KMT2C: variants seen among roughly 807,000 people sequenced by gnomAD.
KMT2C encodes lysine methyltransferase 2C, also known as histone-lysine N-methyltransferase 2C.
A neutral mutation model predicts 507.9 loss-of-function variants in KMT2C; 88 were observed. The ratio of observed to expected loss-of-function variants is 0.17; its 90% CI spans 0.15 to 0.21. The LOEUF (loss-of-function observed/expected upper bound fraction) is 0.21. Ranked by LOEUF, KMT2C falls within the 10% of genes least tolerant of loss-of-function variation. The probability of loss-of-function intolerance (pLI) is 1.00; values close to 1 mark genes in which losing one functional copy is unlikely to be tolerated. For synonymous variants in KMT2C, 2,049 were observed against 2,080.8 expected (o/e 0.98, Z 0.42); for missense variants, 4,954 against 5,957.8 (o/e 0.83, Z 5.55).
At chr7:152,428,283 C>G (rs2097839618) in intron 1 of KMT2C, among the ~76,000 whole-genome samples, 1 of 151,912 alleles carries the variant, frequency 6.6e-6, no homozygotes, top group African/African-American at 2.4e-5. Flanking sequence ...GTTTTAGATT[C>G]TAATTAATGA....
intron 38 of KMT2C, among the ~76,000 whole-genome samples, chr7:152,175,283 C>T (rs920154271): frequency 6.6e-6 from 1 of 151,922 alleles, no homozygotes; most frequent in African/African-American, 2.4e-5. Context: ...ATAACTGGGA[C>T]TACAGGCGCA....
At chr7:152,160,880 T>C (rs1220592010) in intron 43 of KMT2C, among the ~76,000 whole-genome samples, 4 of 151,972 alleles carry the variant, frequency 2.6e-5, no homozygotes, top group Non-Finnish European at 2.9e-5. Flanking sequence ...AATCGCTATG[T>C]GAGAACACGA....
chr7:152,321,618 A>G (rs2096773842), intron 3 of KMT2C, among the ~76,000 whole-genome samples: 1 of 152,036 alleles, frequency 6.6e-6, no homozygotes, highest in Admixed American at 6.5e-5. Flanking sequence ...GCATTTCTAT[A>G]TACTAACAGC....
chr7:152,191,808 C>T (rs531432779), intron 31 of KMT2C, among the ~76,000 whole-genome samples: 46 of 152,360 alleles, frequency 3.0e-4, no homozygotes, highest in Middle Eastern at 3.4e-3. Flanking sequence ...TCTTGAATAA[C>T]TATGTGTCGC....
Position 152,154,157 on chromosome 7 carries a change from A to G in KMT2C, c.12140-11T>C. ...TTCTTGATTCTGAACCTTTAAAAAG[A>G]GAGAAAAAAAAGAGGAAAATAGTGT... is the stretch of plus-strand genomic sequence containing the variant. On this transcript the variant is annotated splice_polypyrimidine_tract_variant and intron_variant, in intron 47 of 58. Transcript: ENST00000262189. 6.2e-7 allele frequency: 1 copy of G among 1,612,290 alleles called. No homozygotes were observed. The highest frequency in any genetic ancestry group is 8.5e-7 in the Non-Finnish European group (1 of 1,179,534).
chr7:152,348,126 T>C (rs559069775), intron 2 of KMT2C, among the ~76,000 whole-genome samples: 3 of 152,318 alleles, frequency 2.0e-5, no homozygotes, highest in Admixed American at 6.5e-5. Flanking sequence ...AGACACAATA[T>C]GCTCAAGCTT....
In KMT2C at chr7:152,148,545, T is replaced by C; in HGVS notation, c.13382A>G (p.Lys4461Arg). 6.2e-7 allele frequency: 1 copy of C among 1,614,212 alleles called. No individual in the cohort carries two copies. The highest frequency in any genetic ancestry group is 1.3e-5 in the African/African-American group (1 of 75,046). ...ELALRRGLQMKCVFCHKTGAT... is the reference protein window; with the variant it reads ...ELALRRGLQMRCVFCHKTGAT... ...ACCCGTCTTGTGACAGAAGACACAT[T>C]TCATTTGTAGGCCTCTCCTCAGAGC... is the stretch of plus-strand genomic sequence containing the variant. The change falls in exon 52 of 59, where the codon AAA (lysine) becomes AGA (arginine). Residue 4461 changes from lysine (K) to arginine (R), a missense_variant. Transcript: ENST00000262189. The surrounding 1 kb of genome is among the most constrained non-coding windows in gnomAD (Gnocchi z 7.1).
intron 6 of KMT2C, among the ~76,000 whole-genome samples, chr7:152,309,150 T>G (rs1432459760): frequency 6.6e-6 from 1 of 152,120 alleles, no homozygotes; most frequent in East Asian, 1.9e-4. Flanking sequence ...TTTAAATCAT[T>G]ATCAAATAGT....
chr7:152,425,565 G>A lies in KMT2C; in HGVS notation c.161+10061C>T, dbSNP rs561423409. 3.3e-5 allele frequency among the ~76,000 whole-genome samples: 5 copies of A among 152,242 alleles called. No individual in the cohort carries two copies. In the South Asian group the frequency reaches 6.2e-4, roughly 19 times the overall value. On this transcript the variant is annotated intron_variant, in intron 1 of 58. Coordinates refer to ENST00000262189, the MANE Select transcript of KMT2C (RefSeq NM_170606.3). ...GCACTCCAGCCAGGGTGACAAGAGC[G>A]AAACTCCGTCTCAAAAACAAACAAA... is the stretch of plus-strand genomic sequence containing the variant.
chr7:152,139,618 G>A (rs878907826), intron 56 of KMT2C, 57 bp downstream of exon 56: 11 of 1,190,500 alleles, frequency 9.2e-6, no homozygotes, highest in African/African-American at 3.0e-5. Context: ...TGGCTGGCAC[G>A]GAGAAAGGGA....
intron 58 of KMT2C, chr7:152,137,270 C>T (rs979199139): frequency 5.2e-6 from 1 of 191,434 alleles, no homozygotes; most frequent in Admixed American, 5.7e-5. Flanking sequence ...AACCCAGAAG[C>T]CTTTCACCTC....
Position 152,307,278 on chromosome 7 carries a change from A to AAAGGAAGGAAGGAAGGAAGG in KMT2C, c.849+2668_849+2687dup, listed in dbSNP as rs35363127. On this transcript the variant is annotated intron_variant, in intron 6 of 58. Transcript: ENST00000262189. ...GGTAGGAAGGAAGGAAGGAAGAAAGAAAGGAAGGAAGGAAGGAAGGAAGGA... is the reference window on the plus strand; with the variant it reads ...GGTAGGAAGGAAGGAAGGAAGAAAGAAAGGAAGGAAGGAAGGAAGGAAGGAAGGAAGGAAGGAAGGAAGGA... 5.1e-4 allele frequency among the ~76,000 whole-genome samples: 55 copies of AAAGGAAGGAAGGAAGGAAGG among 107,444 alleles called. 1 individual carries two copies. Among genetic ancestry groups the AAAGGAAGGAAGGAAGGAAGG allele is most frequent in the African/African-American group, 2.3e-3 (52 of 23,012 alleles). 70.5% of individuals were successfully genotyped at this position (107,444 alleles called of 152,430 possible).
Position 152,149,850 on chromosome 7 carries a change from G to C in KMT2C, c.12775-698C>G, listed in dbSNP as rs115894908. Among the ~76,000 whole-genome samples the C allele has an allele frequency of 7.9e-3, 1,199 of 152,018 alleles. 12 individuals carry two copies. The highest frequency in any genetic ancestry group is 0.028 in the African/African-American group (1,165 of 41,416). ...TTTCACATGCCCCAATCCTGACAAG[G>C]TATCTGAAAAAAGACATGCCTTATA... On this transcript the variant is annotated intron_variant, in intron 51 of 58. Coordinates refer to ENST00000262189, the MANE Select transcript of KMT2C (RefSeq NM_170606.3).
intron 2 of KMT2C, among the ~76,000 whole-genome samples, chr7:152,334,452 C>CA (rs910359538): frequency 2.0e-5 from 3 of 151,878 alleles, no homozygotes; most frequent in African/African-American, 7.3e-5. Context: ...AACTCCGTCT[C>CA]AAAAAAAGAA....
chr7:152,402,540 A>AATTC (rs2097580329), intron 1 of KMT2C, among the ~76,000 whole-genome samples: 2 of 151,846 alleles, frequency 1.3e-5, no homozygotes, highest in African/African-American at 4.9e-5. Flanking sequence ...GAATTTAAAG[A>AATTC]ATTCATGACT....
At chr7:152,244,237 A>G (rs1432462701) in intron 14 of KMT2C, among the ~76,000 whole-genome samples, 1 of 152,226 alleles carries the variant, frequency 6.6e-6, no homozygotes, top group Non-Finnish European at 1.5e-5. Context: ...GGTTACAGTT[A>G]AAGATGATCC....
At chr7:152,141,587 C>T (rs2090553011) in intron 55 of KMT2C, among the ~76,000 whole-genome samples, 1 of 150,934 alleles carries the variant, frequency 6.6e-6, no homozygotes, top group South Asian at 2.1e-4. Flanking sequence ...GTAGTACACA[C>T]CTGTAGTCCC....
intron 6 of KMT2C, among the ~76,000 whole-genome samples, chr7:152,277,825 A>G (rs2096112992): frequency 6.6e-6 from 1 of 152,224 alleles, no homozygotes; most frequent in African/African-American, 2.4e-5. Context: ...CAAAATTTTA[A>G]TGTCTGTTAA....
chr7:152,349,446 A>G (rs1480193574), intron 2 of KMT2C, among the ~76,000 whole-genome samples: 2 of 152,164 alleles, frequency 1.3e-5, no homozygotes, highest in Non-Finnish European at 2.9e-5. Flanking sequence ...CTCCATAAAG[A>G]AAGAAAAGAA....
Sources: allele counts gnomAD v4.1 joint callset (sites outside exome capture counted in the v4.1 genomes callset), GRCh38; gene constraint gnomAD v4.1.1; non-coding constraint Gnocchi (gnomAD v3.1); transcripts MANE v1.5; gene names NCBI Gene and HGNC (gene_info 2026-07-23, HGNC 2026-07-21).